The following SACM1L variants were observed in gnomAD, a reference collection of about 807,000 sequenced individuals.
SACM1L encodes SAC1 like phosphatidylinositide phosphatase.
Under a neutral mutation model 89.5 loss-of-function variants are expected in SACM1L, and 32 were observed. The observed-to-expected ratio is 0.36, with a 90% CI of 0.27 to 0.48. The LOEUF (loss-of-function observed/expected upper bound fraction) is 0.48, where lower values mean the gene tolerates loss of function less well. Ranked by LOEUF, SACM1L falls within the 20% of genes least tolerant of loss-of-function variation. SACM1L has a pLI of 0.99. For synonymous variants in SACM1L, 213 were observed against 232.8 expected, an observed-to-expected ratio of 0.92 and a Z score of 0.77; for missense variants, 543 against 708.5, an observed-to-expected ratio of 0.77 and a Z score of 2.65.
chr3:45,717,323 C>G (rs1384295404), intron 7 of SACM1L, among the ~76,000 whole-genome samples: 1 of 152,184 alleles, frequency 6.6e-6, no homozygotes, highest in Non-Finnish European at 1.5e-5. Flanking sequence ...AGAGCAATAC[C>G]ATGAACGTCA....
intron 1 of SACM1L, among the ~76,000 whole-genome samples, chr3:45,694,363 A>G (rs1698072503): frequency 6.6e-6 from 1 of 152,176 alleles, no homozygotes; most frequent in Non-Finnish European, 1.5e-5. Context: ...TTGAAAACAG[A>G]TGTAACCTAA....
intron 11 of SACM1L, among the ~76,000 whole-genome samples, chr3:45,729,033 A>G (rs1469991300): frequency 6.6e-6 from 1 of 152,128 alleles, no homozygotes; most frequent in Non-Finnish European, 1.5e-5. Context: ...GGATTTCAAT[A>G]ATACTGGCTT....
At chr3:45,696,421 T>C (rs1480994390) in intron 1 of SACM1L, among the ~76,000 whole-genome samples, 2 of 152,250 alleles carry the variant, frequency 1.3e-5, no homozygotes, top group Non-Finnish European at 2.9e-5. Context: ...AATGCCAGTA[T>C]GAATGTGAGT....
At chr3:45,724,307 G>GTA (rs1433899824) in intron 11 of SACM1L, among the ~76,000 whole-genome samples, 7 of 150,820 alleles carry the variant, frequency 4.6e-5, no homozygotes, top group African/African-American at 1.7e-4. Flanking sequence ...TGGTGTGTGT[G>GTA]TGTGTGTGTG....
At chr3:45,733,722 T>G (rs1699130733) in intron 13 of SACM1L, among the ~76,000 whole-genome samples, 1 of 152,262 alleles carries the variant, frequency 6.6e-6, no homozygotes, top group South Asian at 2.1e-4. Flanking sequence ...TTCCATACAC[T>G]GTGCTAAGTA....
Position 45,741,048 on chromosome 3 carries a change from T to C in SACM1L, c.1627+1404T>C, listed in dbSNP as rs138117836. On this transcript the variant is annotated intron_variant, in intron 19 of 19. Coordinates refer to ENST00000389061, the MANE Select transcript of SACM1L (RefSeq NM_014016.5). ...GTATTCTTTATTCTCCTTTGAGTAA[T>C]GTCCTGTAATTTGGAGGTTTGAGTC... 2.6e-3 allele frequency among the ~76,000 whole-genome samples: 392 copies of C among 152,338 alleles called. 1 individual carries two copies. Among genetic ancestry groups the C allele is most frequent in the Non-Finnish European group, 3.9e-3 (264 of 68,022 alleles).
At chr3:45,718,019 A>G (rs1265619530) in intron 7 of SACM1L, among the ~76,000 whole-genome samples, 1 of 152,254 alleles carries the variant, frequency 6.6e-6, no homozygotes, top group African/African-American at 2.4e-5. Context: ...GAATTTCCTA[A>G]TAAGATCAGA....
At chr3:45,703,264 T>C (rs1698315204) in intron 1 of SACM1L, among the ~76,000 whole-genome samples, 174 bp from the exon 2 acceptor site, 1 of 152,214 alleles carries the variant, frequency 6.6e-6, no homozygotes, top group Non-Finnish European at 1.5e-5. Context: ...GCATCAAATA[T>C]ACAAGTGAAA....
chr3:45,709,594 C>T lies in SACM1L; in HGVS notation c.430C>T (p.Gln144Ter). Reference protein sequence around the residue: ...STTYDLTHTLQRLSNTSPEFQ... With the variant: ...STTYDLTHTL ...AACATATGATTTGACCCATACTTTG[C>T]AGCGGCTATCCAACACTAGTCCTGA... is the stretch of plus-strand genomic sequence containing the variant. The change falls in exon 5 of 20, where the codon CAG (glutamine) becomes TAG (stop). Residue 144 changes from glutamine (Q) to a stop codon, truncating the protein, a stop_gained. Coordinates refer to ENST00000389061, the MANE Select transcript of SACM1L (RefSeq NM_014016.5). LOFTEE classifies it high-confidence loss of function. 6.2e-7 allele frequency: 1 copy of T among 1,613,796 alleles called. No homozygotes were observed. Among genetic ancestry groups the T allele is most frequent in the Non-Finnish European group, 8.5e-7 (1 of 1,179,794 alleles).
At chr3:45,709,462 C>T (rs370960110) in intron 4 of SACM1L, 36 bp from the exon 5 acceptor site, 23 of 1,538,518 alleles carry the variant, frequency 1.5e-5, no homozygotes, top group Non-Finnish European at 1.8e-5. Context: ...GATTCCTTTT[C>T]AATTATGAGC....
intron 16 of SACM1L, among the ~76,000 whole-genome samples, chr3:45,738,257 C>T (rs1189338774): frequency 6.6e-6 from 1 of 152,156 alleles, no homozygotes; most frequent in African/African-American, 2.4e-5. Flanking sequence ...TGTGGGTTCC[C>T]TGGGAGCAGA....
chr3:45,735,040 G>T (rs527584138), intron 13 of SACM1L, 195 bp from the exon 14 acceptor site: 64 of 440,276 alleles, frequency 1.5e-4, no homozygotes, highest in African/African-American at 1.2e-3. Flanking sequence ...TTGGATGGAG[G>T]GCTGTCTTGC....
chr3:45,740,675 G>A (rs1699293448), intron 19 of SACM1L, among the ~76,000 whole-genome samples: 1 of 152,180 alleles, frequency 6.6e-6, no homozygotes, highest in African/African-American at 2.4e-5. Context: ...TGAGAGAGAA[G>A]CTAACCACTC....
intron 11 of SACM1L, among the ~76,000 whole-genome samples, chr3:45,726,277 C>T (rs1432923910): frequency 1.3e-5 from 2 of 151,776 alleles, no homozygotes; most frequent in East Asian, 3.9e-4. Flanking sequence ...GGTGTTAATT[C>T]TCTAAATTTT....
intron 1 of SACM1L, among the ~76,000 whole-genome samples, chr3:45,694,022 G>A (rs1290593071): frequency 6.6e-6 from 1 of 152,130 alleles, no homozygotes; most frequent in Non-Finnish European, 1.5e-5. Context: ...GTTCGGCGTA[G>A]GTGTCACATT....
chr3:45,721,509 C>T (rs1035417551), intron 8 of SACM1L, among the ~76,000 whole-genome samples: 9 of 152,134 alleles, frequency 5.9e-5, no homozygotes, highest in Non-Finnish European at 7.4e-5. Flanking sequence ...GCAACAAGAG[C>T]GAAACTCCGT....
Position 45,743,906 on chromosome 3 carries a change from CCTGAATTCAGCTTGCAGAATGGAAG to C in SACM1L, c.*244_*268del, listed in dbSNP as rs965453332. On this transcript the variant is annotated 3_prime_UTR_variant, in exon 20 of 20. Transcript: ENST00000389061. ...AAGCTATTCTGTAATTAAAATATAA[CCTGAATTCAGCTTGCAGAATGGAAG>C]CTGAATCTGTTCATTGTATTCTATT... 12 of 348,198 alleles carry C rather than the reference CCTGAATTCAGCTTGCAGAATGGAAG, an allele frequency of 3.4e-5. No individual in the cohort carries two copies. Among genetic ancestry groups the C allele is most frequent in the African/African-American group, 2.3e-4 (11 of 47,720 alleles). 21.6% of individuals were successfully genotyped at this position (348,198 alleles called of 1,614,324 possible).
intron 1 of SACM1L, among the ~76,000 whole-genome samples, chr3:45,702,596 A>G (rs80082550): frequency 6.6e-6 from 1 of 152,306 alleles, no homozygotes; most frequent in East Asian, 1.9e-4. Context: ...TTCAGTCTGC[A>G]TCGTTTTAGT....
At chr3:45,710,312 T>C (rs1698496505) in intron 5 of SACM1L, among the ~76,000 whole-genome samples, 1 of 151,876 alleles carries the variant, frequency 6.6e-6, no homozygotes, top group African/African-American at 2.4e-5. Flanking sequence ...GCAATTCTCA[T>C]GTCTCAGCCT....
Sources: allele counts gnomAD v4.1 joint callset (sites outside exome capture counted in the v4.1 genomes callset), GRCh38; gene constraint gnomAD v4.1.1; transcripts MANE v1.5; gene names NCBI Gene and HGNC (gene_info 2026-07-23, HGNC 2026-07-21).